DYNC2H1: variants seen among roughly 807,000 people sequenced by gnomAD.
DYNC2H1 encodes the protein cytoplasmic dynein 2 heavy chain 1.
In DYNC2H1, 410 loss-of-function variants were observed where a neutral mutation model predicts 570.0. That is an observed-to-expected ratio of 0.72 (90% CI 0.66 to 0.78). The LOEUF (loss-of-function observed/expected upper bound fraction) is 0.78. Among genes scored for constraint, DYNC2H1 ranks in the 30% least tolerant of loss-of-function variants. The probability of loss-of-function intolerance (pLI) is 0.00; values close to 1 mark genes in which losing one functional copy is unlikely to be tolerated. For missense variants in DYNC2H1, 4,865 were observed against 5,046.4 expected (o/e 0.96, Z 1.09); for synonymous variants, 1,688 against 1,677.6 (o/e 1.01, Z -0.15).
chr11:103,115,284 A>G lies in DYNC2H1; in HGVS notation c.610A>G (p.Thr204Ala). ...CAATTATTTTAAAGAATTATTTGAA[A>G]CAATTGCAAGAGTATGTGATTCATA... ...RANYFKELFE[T>A]IAREFYNLDS... The change falls in exon 4 of 89, where the codon ACA becomes GCA. Residue 204 changes from threonine to alanine, a missense_variant. Transcript: ENST00000375735. The G allele has an allele frequency of 6.3e-7, 1 of 1,580,096 alleles. No homozygotes were observed. Among genetic ancestry groups the G allele is most frequent in the Non-Finnish European group, 8.6e-7 (1 of 1,160,606 alleles).
intron 81 of DYNC2H1, among the ~76,000 whole-genome samples, chr11:103,322,355 C>A (rs1198181916): frequency 6.6e-6 from 1 of 152,156 alleles, no homozygotes; most frequent in African/African-American, 2.4e-5. Context: ...GAAATGTATA[C>A]ATCCTAAGTG....
intron 60 of DYNC2H1, among the ~76,000 whole-genome samples, chr11:103,231,746 G>T (rs1447696213): frequency 6.6e-6 from 1 of 151,994 alleles, no homozygotes; most frequent in Non-Finnish European, 1.5e-5. Flanking sequence ...GTATGTTGAA[G>T]TGATGTATCA....
intron 84 of DYNC2H1, among the ~76,000 whole-genome samples, chr11:103,419,874 A>G (rs1943420729): frequency 6.6e-6 from 1 of 152,190 alleles, no homozygotes; most frequent in Admixed American, 6.5e-5. Context: ...AATGCAAAGA[A>G]GCTAAGAATC....
intron 82 of DYNC2H1, among the ~76,000 whole-genome samples, chr11:103,357,842 A>AG (rs1278361253): frequency 2.0e-5 from 3 of 151,868 alleles, no homozygotes; most frequent in African/African-American, 4.8e-5. Flanking sequence ...CCCAGCTAGT[A>AG]GGGAGGCTGA....
chr11:103,273,109 T>G (rs1202233612), intron 70 of DYNC2H1, among the ~76,000 whole-genome samples: 2 of 152,064 alleles, frequency 1.3e-5, no homozygotes, highest in East Asian at 3.8e-4. Context: ...CTTAATTTAT[T>G]CATTTTTTTC....
chr11:103,474,362 C>T (rs1234310137), intron 88 of DYNC2H1, among the ~76,000 whole-genome samples: 2 of 152,158 alleles, frequency 1.3e-5, no homozygotes, highest in Non-Finnish European at 2.9e-5. Flanking sequence ...TGATTATAAA[C>T]ATTCAGAAAG....
At chr11:103,463,394 TTGCTGGTCGAA>T (rs1304275024) in intron 87 of DYNC2H1, among the ~76,000 whole-genome samples, 6 of 152,212 alleles carry the variant, frequency 3.9e-5, no homozygotes, top group Admixed American at 1.3e-4. Flanking sequence ...ACCAGGCTTG[TTGCTGGTCGAA>T]TCCAGTTCTG....
At position 103,145,177 on chromosome 11, in the gene DYNC2H1, G is replaced by C. The variant is rs943865422; in HGVS notation, c.2702+1782G>C. On this transcript the variant is annotated intron_variant, in intron 18 of 88. Transcript: ENST00000375735. This position sits in a 1 kb window ranked among gnomAD's most constrained non-coding sequence, Gnocchi z 4.2. ...ATTACAGGCATGAACCACCATGCCC[G>C]GCCATAATAATTAATTGAATTATCT... Among the ~76,000 whole-genome samples, 2 of 152,022 alleles carry C rather than the reference G, an allele frequency of 1.3e-5. No individual in the cohort carries two copies. The highest frequency in any genetic ancestry group is 4.8e-5 in the African/African-American group (2 of 41,372).
At chr11:103,297,004 C>T (rs2135382817) in intron 75 of DYNC2H1, among the ~76,000 whole-genome samples, 2 of 151,860 alleles carry the variant, frequency 1.3e-5, no homozygotes, top group Admixed American at 1.3e-4. Flanking sequence ...TTCTTTTTTA[C>T]TATAGTTTTA....
intron 82 of DYNC2H1, among the ~76,000 whole-genome samples, chr11:103,339,741 T>G (rs1174264380): frequency 6.6e-6 from 1 of 152,238 alleles, no homozygotes; most frequent in African/African-American, 2.4e-5. Context: ...CTTGCCCAAG[T>G]ACTATAGTTG....
chr11:103,375,520 C>G (rs373287361), intron 83 of DYNC2H1, among the ~76,000 whole-genome samples: 291 of 152,308 alleles, frequency 1.9e-3, no homozygotes, highest in South Asian at 9.7e-3. Flanking sequence ...GGAGCTGTAC[C>G]CTGCAAAGCC....
At position 103,435,896 on chromosome 11, in the gene DYNC2H1, G is replaced by A. The variant is rs376188584; in HGVS notation, c.12367-47G>A. ...CACTAGTGTTAGTAGTCTTCTATAT[G>A]TAGTATCATATACACAAACTTAATT... On this transcript the variant is annotated intron_variant, in intron 84 of 88. Coordinates refer to ENST00000375735, the MANE Select transcript of DYNC2H1 (RefSeq NM_001377.3). The A allele has an allele frequency of 6.3e-5, 100 of 1,577,356 alleles. 1 individual carries two copies. In the African/African-American group the frequency reaches 1.2e-3, roughly 19 times the overall value.
intron 86 of DYNC2H1, 73 bp downstream of exon 86, chr11:103,455,368 A>C (rs950643369): frequency 1.8e-6 from 2 of 1,126,662 alleles, no homozygotes; most frequent in Non-Finnish European, 2.7e-6. Context: ...TTCCTATTAC[A>C]CTGCCCTTGA....
intron 88 of DYNC2H1, among the ~76,000 whole-genome samples, chr11:103,468,922 G>C (rs1212850146): frequency 6.6e-6 from 1 of 152,158 alleles, no homozygotes; most frequent in Admixed American, 6.5e-5. Flanking sequence ...GAATAACATA[G>C]TATTAATTTC....
intron 84 of DYNC2H1, among the ~76,000 whole-genome samples, chr11:103,423,054 T>A (rs562512115): frequency 1.1e-5 from 1 of 87,570 alleles, no homozygotes; most frequent in South Asian, 4.5e-4. Flanking sequence ...CTGTAGACCG[T>A]TTTATGAAAA....
intron 88 of DYNC2H1, among the ~76,000 whole-genome samples, chr11:103,470,933 T>G (rs1483740028): frequency 6.6e-6 from 1 of 152,130 alleles, no homozygotes; most frequent in Non-Finnish European, 1.5e-5. Flanking sequence ...ATATACCCAG[T>G]AATGGGATGG....
chr11:103,192,352 A>G, intron 47 of DYNC2H1, 88 bp downstream of exon 47: 1 of 918,496 alleles, frequency 1.1e-6, no homozygotes, highest in Non-Finnish European at 1.5e-6. Context: ...TATAGGTCTA[A>G]ACAAATAAAA....
rs912384187 is a variant in DYNC2H1, at chr11:103,277,044, A to G, written c.10696-3304A>G. 1.3e-5 allele frequency among the ~76,000 whole-genome samples: 2 copies of G among 152,242 alleles called. No homozygotes were observed. Among genetic ancestry groups the G allele is most frequent in the East Asian group, 1.9e-4 (1 of 5,190 alleles). ...TACAATTCTTATTTTAACATATGCC[A>G]CTTAATTTTTTAAATTACAAGTTAT... On this transcript the variant is annotated intron_variant, in intron 70 of 88. Transcript: ENST00000375735. This position sits in a 1 kb window ranked among gnomAD's most constrained non-coding sequence, Gnocchi z 4.3.
At chr11:103,197,838 A>T (rs1358592847) in intron 47 of DYNC2H1, 95 bp from the exon 48 acceptor site, 6 of 1,342,334 alleles carry the variant, frequency 4.5e-6, no homozygotes, top group Non-Finnish European at 6.1e-6. Context: ...TCTTATTTGG[A>T]TTATTAACTT....
Sources: gnomAD v4.1 joint callset for allele counts (sites outside exome capture counted in the v4.1 genomes callset) on GRCh38, gnomAD v4.1.1 for gene constraint, Gnocchi (gnomAD v3.1) non-coding constraint, MANE v1.5 for transcripts, NCBI Gene and HGNC (gene_info 2026-07-23, HGNC 2026-07-21) for gene names.